Variants in WDPCP observed in about 807,000 individuals in gnomAD.
WDPCP encodes the protein WD repeat containing planar cell polarity effector, also known as WD repeat-containing and planar cell polarity effector protein fritz homolog.
A neutral mutation model predicts 93.1 loss-of-function variants in WDPCP; 71 were observed. That is an observed-to-expected ratio of 0.76 (90% confidence interval 0.63 to 0.93). WDPCP has a LOEUF of 0.93. Among genes scored for constraint, WDPCP ranks in the 40% least tolerant of loss-of-function variants. The pLI is 0.00. For missense variants in WDPCP, 844 were observed against 887.4 expected (o/e 0.95, Z 0.62); for synonymous variants, 315 against 315.0 (o/e 1.00, Z 0.00).
intron 17 of WDPCP, among the ~76,000 whole-genome samples, chr2:63,146,045 G>T (rs186901572): frequency 1.3e-5 from 2 of 152,242 alleles, no homozygotes; most frequent in Non-Finnish European, 2.9e-5. Flanking sequence ...AGTCATTTTT[G>T]TACATTGGTT....
At chr2:63,271,548 C>G (rs1158997592) in intron 13 of WDPCP, among the ~76,000 whole-genome samples, 1 of 152,204 alleles carries the variant, frequency 6.6e-6, no homozygotes, top group East Asian at 1.9e-4. Context: ...TTGGGACTGA[C>G]TCATCCCATC....
intron 17 of WDPCP, among the ~76,000 whole-genome samples, chr2:63,130,506 T>G (rs1251017812): frequency 6.6e-6 from 1 of 152,196 alleles, no homozygotes; most frequent in African/African-American, 2.4e-5. Flanking sequence ...TTTTGATTAC[T>G]GTAGCTTTGT....
intron 14 of WDPCP, among the ~76,000 whole-genome samples, chr2:63,250,969 A>G (rs1480547682): frequency 6.6e-6 from 1 of 152,182 alleles, no homozygotes; most frequent in Non-Finnish European, 1.5e-5. Flanking sequence ...TGCCTATACA[A>G]AAAAGATCTC....
chr2:63,645,878 C>T (rs182420106), intron 3 of WDPCP, among the ~76,000 whole-genome samples: 57 of 152,264 alleles, frequency 3.7e-4, no homozygotes, highest in Middle Eastern at 6.8e-3. Flanking sequence ...CCTTTACATT[C>T]AGTCTATGTG....
chr2:63,462,130 G>A (rs1251737003), intron 6 of WDPCP, among the ~76,000 whole-genome samples: 1 of 152,220 alleles, frequency 6.6e-6, no homozygotes, highest in African/African-American at 2.4e-5. Flanking sequence ...GCTGGATTAA[G>A]AAAATGTGGC....
At chr2:63,215,255 T>G (rs1677214312) in intron 14 of WDPCP, among the ~76,000 whole-genome samples, 1 of 151,902 alleles carries the variant, frequency 6.6e-6, no homozygotes, top group South Asian at 2.1e-4. Context: ...AAAACAGAGA[T>G]ATAGACCAAT....
intron 1 of WDPCP, among the ~76,000 whole-genome samples, chr2:63,826,243 A>G (rs56353821): frequency 0.03 from 4,630 of 151,992 alleles, 247 homozygotes; most frequent in African/African-American, 0.11. Context: ...TTTTTTGCCT[A>G]CTAGGAGAGT....
At chr2:63,485,992 T>C (rs958412530) in intron 4 of WDPCP, among the ~76,000 whole-genome samples, 8 of 151,724 alleles carry the variant, frequency 5.3e-5, no homozygotes. Flanking sequence ...TAAATGTCAG[T>C]TCAACCATTT....
chr2:63,278,330 A>T (rs1395856680), intron 13 of WDPCP, among the ~76,000 whole-genome samples: 3 of 152,218 alleles, frequency 2.0e-5, no homozygotes, highest in Non-Finnish European at 4.4e-5. Context: ...CAAAGAGACA[A>T]TCTAAAGTCA....
At chr2:63,833,748 A>C in the WDPCP span, among the ~76,000 whole-genome samples, 1 of 152,184 alleles carries the variant, frequency 6.6e-6, no homozygotes, top group Non-Finnish European at 1.5e-5. Context: ...AAATAATATA[A>C]GAAGAGGTTC....
intron 14 of WDPCP, among the ~76,000 whole-genome samples, chr2:63,190,198 C>T (rs908049433): frequency 6.6e-5 from 10 of 151,986 alleles, no homozygotes; most frequent in Non-Finnish European, 1.3e-4. Flanking sequence ...GAGGCTGAGG[C>T]GGGCGGATTG....
At chr2:63,588,924 G>C, upstream of WDPCP, 1 of 1,389,594 alleles carries the variant, frequency 7.2e-7, no homozygotes, top group Non-Finnish European at 1.0e-6. Context: ...GCCGCGTCGG[G>C]AGCGGAGCCT....
Sources: gnomAD v4.1 joint callset for allele counts (sites outside exome capture counted in the v4.1 genomes callset) on GRCh38, gnomAD v4.1.1 for gene constraint, MANE v1.5 for transcripts, NCBI Gene and HGNC (gene_info 2026-07-23, HGNC 2026-07-21) for gene names.